KRT1: variants seen among roughly 807,000 people sequenced by gnomAD.
KRT1 encodes keratin, type II cytoskeletal 1.
Under a neutral mutation model 51.6 loss-of-function variants are expected in KRT1, and 28 were observed. That is an observed-to-expected ratio of 0.54 (90% confidence interval 0.40 to 0.74). The LOEUF is 0.74. Among genes scored for constraint, KRT1 ranks in the 30% least tolerant of loss-of-function variants. KRT1 has a pLI of 0.00. For synonymous variants in KRT1, 301 were observed against 307.7 expected, an observed-to-expected ratio of 0.98 and a Z score of 0.23; for missense variants, 783 against 815.5, an observed-to-expected ratio of 0.96 and a Z score of 0.49.
At chr12:52,677,902 G>A (rs542030436) in intron 3 of KRT1, among the ~76,000 whole-genome samples, 157 bp from the exon 4 acceptor site, 90 of 152,228 alleles carry the variant, frequency 5.9e-4, no homozygotes, top group African/African-American at 4.1e-4. Flanking sequence ...TCCCACCCCC[G>A]GATAGCACCA....
In KRT1 at chr12:52,674,781, T is replaced by G; in HGVS notation, c.*412A>C. On this transcript the variant is annotated 3_prime_UTR_variant, in exon 9 of 9. Coordinates refer to ENST00000252244, the MANE Select transcript of KRT1 (RefSeq NM_006121.4). ...TGCAGCAAAACAAGGAAATGGGGAG[T>G]TTAAGACCTCTCCACAAAAGAAAAA... 2 of 273,256 alleles carry G rather than the reference T, an allele frequency of 7.3e-6. No individual in the cohort carries two copies. Among genetic ancestry groups the G allele is most frequent in the East Asian group, 8.6e-5 (1 of 11,624 alleles). 16.9% of individuals were successfully genotyped at this position (273,256 alleles called of 1,614,324 possible).
At chr12:52,675,955 CAA>C (rs66514557) in intron 7 of KRT1, among the ~76,000 whole-genome samples, 3,187 of 152,238 alleles carry the variant, frequency 0.021, 54 homozygotes, top group Non-Finnish European at 0.031. Context: ...ATAAACGAGA[CAA>C]GAGCCTTGCA....
chr12:52,675,411 C>G lies in KRT1; in HGVS notation c.1717G>C (p.Gly573Arg), dbSNP rs763002437. 2.0e-6 allele frequency: 3 copies of G among 1,512,554 alleles called. No homozygotes were observed. Among genetic ancestry groups the G allele is most frequent in the Non-Finnish European group, 2.7e-6 (3 of 1,110,478 alleles). 93.7% of individuals were successfully genotyped at this position (1,512,554 alleles called of 1,614,324 possible). A position where few individuals can be genotyped will look rare whatever the true frequency, so the allele number is the denominator to read the frequency against. ...CCGGAGCCGTAGCTGCCATGGCCGCCGCCGCCACCTCCAGAGCCATAGCTG... is the reference window on the plus strand; with the variant it reads ...CCGGAGCCGTAGCTGCCATGGCCGCGGCCGCCACCTCCAGAGCCATAGCTG... ...GGSYGSGGGG[G>R]GHGSYGSGSS... Residue 573 changes from glycine to arginine, a missense_variant, in exon 9 of 9, where the codon GGC becomes CGC. Physicochemically the swap from Gly to Arg is moderately radical, Grantham distance 125. Coordinates refer to ENST00000252244, the MANE Select transcript of KRT1 (RefSeq NM_006121.4).
At chr12:52,679,495 C>A (rs1303946191) in intron 1 of KRT1, among the ~76,000 whole-genome samples, 16 of 152,206 alleles carry the variant, frequency 1.1e-4, no homozygotes. Context: ...CCCAATTCCG[C>A]TCAAGAGCTG....
At position 52,679,738 on chromosome 12, in the gene KRT1, G is replaced by A; in HGVS notation, c.591+20C>T. On this transcript the variant is annotated intron_variant, in intron 1 of 8. Transcript: ENST00000252244. ...GTGGACCAGCGGCAGCCCTACCAGT[G>A]CAATGAGAGAGAAACTCACCTTGTC... The A allele has an allele frequency of 6.2e-7, 1 of 1,605,144 alleles. No individual in the cohort carries two copies. Among genetic ancestry groups the A allele is most frequent in the Non-Finnish European group, 8.5e-7 (1 of 1,171,876 alleles).
chr12:52,678,112 T>C, intron 3 of KRT1, 51 bp downstream of exon 3: 2 of 1,571,254 alleles, frequency 1.3e-6, no homozygotes, highest in Non-Finnish European at 1.8e-6. Flanking sequence ...TTGGAGACCC[T>C]CTTCCCTTAT....
rs373780324 is a variant in KRT1, at chr12:52,676,455, C to T, written c.1295G>A (p.Arg432His). The T allele has an allele frequency of 2.7e-5, 43 of 1,614,092 alleles. No homozygotes were observed. Among genetic ancestry groups the T allele is most frequent in the Admixed American group, 1.5e-4 (9 of 60,004 alleles). Reference sequence around the variant, plus strand: ...GGCATCCTTGAGGGCATTCTCGCCACGCTGCTCTGCATCACTGATGGACTG... The same window carrying T: ...GGCATCCTTGAGGGCATTCTCGCCATGCTGCTCTGCATCACTGATGGACTG... ...LQQSISDAEQRGENALKDAKN... is the reference protein window; with the variant it reads ...LQQSISDAEQHGENALKDAKN... The change falls in exon 7 of 9, where the codon CGT becomes CAT. Residue 432 changes from arginine (R) to histidine (H), a missense_variant. Arg to His is a conservative substitution (Grantham distance 29). Coordinates refer to ENST00000252244, the MANE Select transcript of KRT1 (RefSeq NM_006121.4).
Position 52,675,332 on chromosome 12 carries a change from G to A in KRT1, c.1796C>T (p.Ser599Phe). 1 of 1,610,968 alleles carries A rather than the reference G, an allele frequency of 6.2e-7. No homozygotes were observed. The highest frequency in any genetic ancestry group is 1.1e-5 in the South Asian group (1 of 90,730). ...GGSGGGGGGS[S>F]GGRGSGGGSS... ...CCCGCCGCCAGAGCCCCGGCCGCCA[G>A]AGCTGCCGCCGCCGCCGCCTCCAGA... The change falls in exon 9 of 9, where the codon TCT becomes TTT. Residue 599 changes from serine (S) to phenylalanine (F), a missense_variant. Physicochemically the swap from Ser to Phe is radical, Grantham distance 155 (BLOSUM62 -2). Transcript: ENST00000252244.
chr12:52,675,440 CCTCCGGAGCCGTAGCTGCT>C lies in KRT1; in HGVS notation c.1669_1687del (p.Ser557ValfsTer51). The C allele has an allele frequency of 2.1e-6, 1 of 466,986 alleles. No individual in the cohort carries two copies. The highest frequency in any genetic ancestry group is 3.8e-5 in the East Asian group (1 of 26,204). 28.9% of individuals were successfully genotyped at this position (466,986 alleles called of 1,614,324 possible). On this transcript the variant is annotated frameshift_variant, in exon 9 of 9. Coordinates refer to ENST00000252244, the MANE Select transcript of KRT1 (RefSeq NM_006121.4). LOFTEE classifies it low-confidence loss of function (END_TRUNC). ...GCCACCTCCAGAGCCATAGCTGCCA[CCTCCGGAGCCGTAGCTGCT>C]ACCTCCGGAGCCATAGCTGCCACGG...
chr12:52,679,207 T>C (rs1941551303), intron 1 of KRT1, among the ~76,000 whole-genome samples: 1 of 152,196 alleles, frequency 6.6e-6, no homozygotes, highest in African/African-American at 2.4e-5. Context: ...AAATGGTTTA[T>C]CTGAGTTTTT....
At position 52,677,466 on chromosome 12, in the gene KRT1, C is replaced by A; in HGVS notation, c.978G>T (p.Met326Ile). 6.2e-7 allele frequency: 1 copy of A among 1,614,224 alleles called. No individual in the cohort carries two copies. Among genetic ancestry groups the A allele is most frequent in the Non-Finnish European group, 8.5e-7 (1 of 1,180,042 alleles). ...TALYQAELSQMQTQISETNVI... is the reference protein window; with the variant it reads ...TALYQAELSQIQTQISETNVI... ...CATTAGTTTCACTGATTTGAGTCTG[C>A]ATCTGAGACAACTCCTGCAAGACAT... The change falls in exon 5 of 9, where the codon ATG becomes ATT. Residue 326 changes from methionine (M) to isoleucine (I), a missense_variant. Coordinates refer to ENST00000252244, the MANE Select transcript of KRT1 (RefSeq NM_006121.4).
At chr12:52,676,540 A>C in intron 6 of KRT1, 45 bp from the exon 7 acceptor site, 1 of 1,590,822 alleles carries the variant, frequency 6.3e-7, no homozygotes, top group South Asian at 1.1e-5. Context: ...ATTCCCCACT[A>C]GGCCTCCTCA....
chr12:52,677,263 G>GAT, intron 5 of KRT1, 53 bp downstream of exon 5: 1 of 1,614,156 alleles, frequency 6.2e-7, no homozygotes, highest in African/African-American at 1.3e-5. Context: ...GATAACACAG[G>GAT]ATAGCAAGAC....
In KRT1 at chr12:52,677,454, G is replaced by T; in HGVS notation, c.990C>A (p.Ile330=). The T allele has an allele frequency of 6.2e-7, 1 of 1,614,210 alleles. No homozygotes were observed. ...TAGAGAGGATGACATTAGTTTCACT[G>T]ATTTGAGTCTGCATCTGAGACAACT... ...QAELSQMQTQ[I]SETNVILSMD... The change falls in exon 5 of 9, where the codon ATC becomes ATA. Residue 330 remains isoleucine (I), a synonymous_variant. Transcript: ENST00000252244.
At position 52,677,313 on chromosome 12, in the gene KRT1, C is replaced by A; in HGVS notation, c.1128+3G>T. 1 of 1,614,256 alleles carries A rather than the reference C, an allele frequency of 6.2e-7. No individual in the cohort carries two copies. Among genetic ancestry groups the A allele is most frequent in the Non-Finnish European group, 8.5e-7 (1 of 1,180,052 alleles). Reference sequence around the variant, plus strand: ...AAACTGGCTAGGCTTTCAGCCCACTCACCTTGCTCTGGTACAAGGACTCGG... The same window carrying A: ...AAACTGGCTAGGCTTTCAGCCCACTAACCTTGCTCTGGTACAAGGACTCGG... On this transcript the variant is annotated splice_donor_region_variant and intron_variant, in intron 5 of 8. Transcript: ENST00000252244.
chr12:52,677,024 C>T (rs1941516396), intron 6 of KRT1, 35 bp downstream of exon 6: 1 of 1,609,612 alleles, frequency 6.2e-7, no homozygotes, highest in East Asian at 2.2e-5. Context: ...ACCCCCATTC[C>T]ATACAGCTGA....
At position 52,677,413 on chromosome 12, in the gene KRT1, C is replaced by T. The variant is rs769218372; in HGVS notation, c.1031G>A (p.Ser344Asn). The T allele has an allele frequency of 2.1e-4, 337 of 1,614,088 alleles. 1 individual carries two copies. In the Admixed American group the frequency reaches 5.5e-3, roughly 26 times the overall value. The change falls in exon 5 of 9, where the codon AGT becomes AAT. Residue 344 changes from serine to asparagine, a missense_variant. By Grantham distance (46) the Ser-to-Asn change is conservative. Coordinates refer to ENST00000252244, the MANE Select transcript of KRT1 (RefSeq NM_006121.4). Reference protein sequence around the residue: ...NVILSMDNNRSLDLDSIIAEV... With the variant: ...NVILSMDNNRNLDLDSIIAEV... ...AGCAATGATGCTGTCCAGGTCGAGA[C>T]TGCGGTTGTTGTCCATAGAGAGGAT...
At chr12:52,677,003 A>T in intron 6 of KRT1, 56 bp downstream of exon 6, 1 of 1,604,238 alleles carries the variant, frequency 6.2e-7, no homozygotes, top group Non-Finnish European at 8.5e-7. Context: ...CTCGCCCTTT[A>T]CCTGAGGGTT....
In KRT1 at chr12:52,679,986, A is replaced by G. The variant is rs575349300; in HGVS notation, c.363T>C (p.Gly121=). Residue 121 remains glycine, a synonymous_variant, in exon 1 of 9, where the codon GGT becomes GGC. Coordinates refer to ENST00000252244, the MANE Select transcript of KRT1 (RefSeq NM_006121.4). ...CAAAACCACCACCACCACTGCCAAA[A>G]CCACCAAAGCCACCACCCCCAATGC... ...GGGIGGGGFG[G]FGSGGGGFGG... is the part of the protein sequence containing the mutation. 6.2e-7 allele frequency: 1 copy of G among 1,602,736 alleles called. No homozygotes were observed. Among genetic ancestry groups the G allele is most frequent in the African/African-American group, 1.3e-5 (1 of 74,586 alleles).
Sources: allele counts gnomAD v4.1 joint callset (sites outside exome capture counted in the v4.1 genomes callset), GRCh38; gene constraint gnomAD v4.1.1; transcripts MANE v1.5; gene names NCBI Gene and HGNC (gene_info 2026-07-23, HGNC 2026-07-21).